POLA1: variants seen among roughly 807,000 people sequenced by gnomAD.
POLA1 encodes DNA polymerase alpha catalytic subunit.
In POLA1, 15 loss-of-function variants were observed where a neutral mutation model predicts 124.0. The observed-to-expected ratio is 0.12, with a 90% CI of 0.08 to 0.19. The LOEUF is 0.19. Among genes scored for constraint, POLA1 ranks in the 10% least tolerant of loss-of-function variants. The probability of loss-of-function intolerance (pLI) is 1.00; values close to 1 mark genes in which losing one functional copy is unlikely to be tolerated. For synonymous variants in POLA1, 408 were observed against 389.4 expected (o/e 1.05, Z -0.56); for missense variants, 886 against 1,103.4 (o/e 0.80, Z 2.79).
rs1346966743 is a variant in POLA1, at chrX:24,801,920, GGTGGGTGTGTGTGT to G, written c.2965-7974_2965-7961del. ...AGAAACAGAGCCACTAGGAGAGGTG[GGTGGGTGTGTGTGT>G]GTGTGTGTGTGTGTGTGTGTGTGTG... On this transcript the variant is annotated intron_variant, in intron 26 of 36. Coordinates refer to ENST00000379068, the MANE Select transcript of POLA1 (RefSeq NM_001330360.2). 1.1e-3 allele frequency among the ~76,000 whole-genome samples: 52 copies of G among 47,518 alleles called. No homozygotes were observed. The South Asian group carries it at 0.06, about 55-fold the overall frequency. The allele number at this position is 47,518 out of a possible 115,157, so 41.3% of individuals were successfully genotyped here. A position where few individuals can be genotyped will look rare whatever the true frequency, so the allele number is the denominator to read the frequency against.
Position 24,919,845 on chromosome X carries a change from G to GTT in POLA1, c.4165-10590_4165-10589dup, listed in dbSNP as rs10573475. Reference sequence around the variant, plus strand: ...GTTTTTTTTTTTGTTTTGTTTTTCTGTTTTTTTTTTTTTTTTTTTGAGACA... The same window carrying GTT: ...GTTTTTTTTTTTGTTTTGTTTTTCTGTTTTTTTTTTTTTTTTTTTTTGAGACA... On this transcript the variant is annotated intron_variant, in intron 35 of 36. Coordinates refer to ENST00000379068, the MANE Select transcript of POLA1 (RefSeq NM_001330360.2). Among the ~76,000 whole-genome samples, 53 of 34,780 alleles carry GTT rather than the reference G, an allele frequency of 1.5e-3. 1 individual carries two copies. Among genetic ancestry groups the GTT allele is most frequent in the East Asian group, 8.2e-3 (8 of 978 alleles). 30.2% of individuals were successfully genotyped at this position (34,780 alleles called of 115,157 possible). A position where few individuals can be genotyped will look rare whatever the true frequency, so the allele number is the denominator to read the frequency against.
intron 35 of POLA1, among the ~76,000 whole-genome samples, chrX:24,901,393 A>G (rs1172333962): frequency 9.0e-6 from 1 of 111,322 alleles, no homozygotes; most frequent in East Asian, 2.8e-4. Flanking sequence ...GGTGCTTGGC[A>G]TATTTAAAAA....
At chrX:24,888,600 GTTTTTTTTTTT>G (rs869301308) in intron 35 of POLA1, among the ~76,000 whole-genome samples, 5 of 49,169 alleles carry the variant, frequency 1.0e-4, no homozygotes, top group African/African-American at 3.6e-4. Flanking sequence ...TTGTTTGCTT[GTTTTTTTTTTT>G]TTTTTTTTTT....
intron 35 of POLA1, among the ~76,000 whole-genome samples, chrX:24,920,359 C>G (rs762144545): frequency 1.8e-5 from 2 of 111,392 alleles, no homozygotes; most frequent in East Asian, 5.6e-4. Context: ...AGGCCCATGA[C>G]CTTTTTTGTG....
At position 24,896,215 on chromosome X, in the gene POLA1, T is replaced by G. The variant is rs754877579; in HGVS notation, c.4164+8093T>G. ...TGGGGAGGGAGGTGCCGCTGGCATC[T>G]CTTGAGTAGAGGCCAGGGATGCTGC... On this transcript the variant is annotated intron_variant, in intron 35 of 36. Coordinates refer to ENST00000379068, the MANE Select transcript of POLA1 (RefSeq NM_001330360.2). Among the ~76,000 whole-genome samples, 3 of 111,303 alleles carry G rather than the reference T, an allele frequency of 2.7e-5. No individual in the cohort carries two copies. The South Asian group carries it at 1.1e-3, about 43-fold the overall frequency.
chrX:24,767,800 T>A (rs1438832955), intron 26 of POLA1, among the ~76,000 whole-genome samples: 5 of 112,247 alleles, frequency 4.5e-5, no homozygotes, highest in Admixed American at 3.8e-4. Context: ...ACCCTGTTCC[T>A]ATAAGTGGGA....
At chrX:24,793,595 G>GT (rs1211864961) in intron 26 of POLA1, among the ~76,000 whole-genome samples, 2 of 109,955 alleles carry the variant, frequency 1.8e-5, no homozygotes, top group African/African-American at 6.6e-5. Context: ...TTTTTGTTTT[G>GT]TTTTTTTGAG....
intron 35 of POLA1, among the ~76,000 whole-genome samples, chrX:24,929,096 T>C (rs1160183641): frequency 8.9e-6 from 1 of 112,029 alleles, no homozygotes; most frequent in Non-Finnish European, 1.9e-5. Context: ...AAAGGTGAAG[T>C]GTGAGCTCTA....
intron 26 of POLA1, among the ~76,000 whole-genome samples, chrX:24,796,321 A>G (rs778584782): frequency 1.8e-5 from 2 of 111,703 alleles, no homozygotes; most frequent in South Asian, 7.6e-4. Context: ...GAGGCTTAAT[A>G]CAATTATTTG....
intron 34 of POLA1, among the ~76,000 whole-genome samples, chrX:24,845,930 G>C (rs2046471756): frequency 8.9e-6 from 1 of 111,916 alleles, no homozygotes; most frequent in Non-Finnish European, 1.9e-5. Flanking sequence ...TCATGAGAAA[G>C]GGACTCCAGG....
chrX:24,812,530 C>T (rs955235202), intron 28 of POLA1, 128 bp from the exon 29 acceptor site: 33 of 446,602 alleles, frequency 7.4e-5, no homozygotes, highest in South Asian at 1.4e-4. Flanking sequence ...TACATACAAG[C>T]CAAGTAAAAT....
At chrX:24,749,231 TAG>T in intron 26 of POLA1, among the ~76,000 whole-genome samples, 1 of 107,024 alleles carries the variant, frequency 9.3e-6, no homozygotes, top group Middle Eastern at 4.7e-3. Context: ...GTTCTCAGGA[TAG>T]AGTGTCAAGC....
chrX:24,769,970 A>T (rs938429162), intron 26 of POLA1, among the ~76,000 whole-genome samples: 1 of 112,415 alleles, frequency 8.9e-6, no homozygotes, highest in Non-Finnish European at 1.9e-5. Flanking sequence ...TAAGTGGCTA[A>T]AATGAATATG....
intron 26 of POLA1, among the ~76,000 whole-genome samples, chrX:24,809,159 G>GCC (rs201083232): frequency 9.1e-6 from 1 of 109,377 alleles, no homozygotes; most frequent in Middle Eastern, 4.7e-3. Flanking sequence ...TATTTTAAAC[G>GCC]CCCCCCCCGA....
intron 34 of POLA1, among the ~76,000 whole-genome samples, chrX:24,863,268 A>G (rs866702041): frequency 1.1e-5 from 1 of 90,210 alleles, no homozygotes; most frequent in East Asian, 3.6e-4. Flanking sequence ...GCCCCCCCCC[A>G]TCTTCCACCC....
At chrX:24,736,843 C>T (rs1006741868) in intron 18 of POLA1, among the ~76,000 whole-genome samples, 2 of 111,443 alleles carry the variant, frequency 1.8e-5, no homozygotes, top group Non-Finnish European at 3.8e-5. Context: ...CACCATTCTG[C>T]TTTTTGTTTC....
At chrX:24,729,997 A>G (rs1016820779) in intron 15 of POLA1, among the ~76,000 whole-genome samples, 21 of 109,696 alleles carry the variant, frequency 1.9e-4, no homozygotes, top group South Asian at 7.9e-4. Context: ...GGGTTTCACC[A>G]TGTTGCCCAG....
intron 26 of POLA1, among the ~76,000 whole-genome samples, chrX:24,761,149 T>C (rs1417544884): frequency 8.9e-6 from 1 of 112,646 alleles, no homozygotes; most frequent in Admixed American, 9.4e-5. Context: ...GGAATTCTTC[T>C]AATTACTAAT....
chrX:24,945,266 C>CT (rs2047947207), intron 36 of POLA1, among the ~76,000 whole-genome samples: 1 of 112,636 alleles, frequency 8.9e-6, no homozygotes, highest in Non-Finnish European at 1.9e-5. Flanking sequence ...TCTGAGAATA[C>CT]TTTGTCTAAA....
Sources: gnomAD v4.1 joint callset for allele counts (sites outside exome capture counted in the v4.1 genomes callset) on GRCh38, gnomAD v4.1.1 for gene constraint, MANE v1.5 for transcripts, NCBI Gene and HGNC (gene_info 2026-07-23, HGNC 2026-07-21) for gene names.